Variants in RAD51B observed in about 807,000 individuals in gnomAD.
RAD51B encodes DNA repair protein RAD51 homolog 2.
RAD51B carries 38 observed loss-of-function variants against 42.2 expected under a neutral mutation model. The ratio of observed to expected loss-of-function variants is 0.90; its 90% CI spans 0.70 to 1.18. The LOEUF is 1.18. Among genes scored for constraint, RAD51B ranks in the 50% most tolerant of loss-of-function variants. The probability of loss-of-function intolerance (pLI) is 0.00; values close to 1 mark genes in which losing one functional copy is unlikely to be tolerated. For synonymous variants in RAD51B, 154 were observed against 145.2 expected (o/e 1.06, Z -0.43); for missense variants, 373 against 400.7 (o/e 0.93, Z 0.59).
intron 8 of RAD51B, among the ~76,000 whole-genome samples, chr14:68,331,085 C>T (rs1174507901): frequency 1.3e-5 from 2 of 151,930 alleles, no homozygotes; most frequent in East Asian, 1.9e-4. Context: ...AATAGCTGGC[C>T]GGGCGCGGTG....
intron 5 of RAD51B, among the ~76,000 whole-genome samples, chr14:67,868,822 G>T (rs1284209630): frequency 2.0e-5 from 3 of 152,296 alleles, no homozygotes; most frequent in Non-Finnish European, 4.4e-5. Flanking sequence ...CTCAGCAGGG[G>T]CAGACTGACA....
At chr14:68,209,824 A>G (rs1440475065) in intron 7 of RAD51B, among the ~76,000 whole-genome samples, 3 of 152,112 alleles carry the variant, frequency 2.0e-5, no homozygotes, top group Non-Finnish European at 4.4e-5. Context: ...TCCTCCTGCT[A>G]ATCTTTTTAA....
intron 10 of RAD51B, among the ~76,000 whole-genome samples, chr14:68,567,704 T>C (rs1207221612): frequency 6.6e-6 from 1 of 152,244 alleles, no homozygotes; most frequent in Non-Finnish European, 1.5e-5. Flanking sequence ...AAGTTCTACC[T>C]TCCTCACGAA....
At position 68,220,858 on chromosome 14, in the gene RAD51B, C is replaced by T. The variant is rs1247334474; in HGVS notation, c.757-71026C>T. Among the ~76,000 whole-genome samples the T allele has an allele frequency of 2.0e-5, 3 of 152,182 alleles. No homozygotes were observed. The East Asian group carries it at 5.8e-4, about 29-fold the overall frequency. On this transcript the variant is annotated intron_variant, in intron 7 of 10. Coordinates refer to ENST00000471583, the MANE Select transcript of RAD51B (RefSeq NM_133510.4). ...AATCAAGAACTCAACCCCGGCCAGG[C>T]ATGGTGGCTCACACCTGTAATCCCA...
intron 10 of RAD51B, among the ~76,000 whole-genome samples, chr14:68,487,957 G>C (rs1369215883): frequency 6.6e-6 from 1 of 152,066 alleles, no homozygotes; most frequent in Non-Finnish European, 1.5e-5. Flanking sequence ...CTCTGATCTT[G>C]CCCTTCTTAT....
chr14:68,460,548 C>T (rs951292022), intron 9 of RAD51B, among the ~76,000 whole-genome samples: 3 of 152,212 alleles, frequency 2.0e-5, no homozygotes, highest in African/African-American at 7.2e-5. Flanking sequence ...CCTTCCTAGC[C>T]ACCCATGGAG....
chr14:68,035,914 A>G (rs1158251855), intron 7 of RAD51B, among the ~76,000 whole-genome samples: 2 of 152,230 alleles, frequency 1.3e-5, no homozygotes, highest in Non-Finnish European at 2.9e-5. Flanking sequence ...TAATGATGGC[A>G]TAAGTGAATG....
chr14:68,559,759 C>T (rs372283202), intron 10 of RAD51B, among the ~76,000 whole-genome samples: 20 of 152,266 alleles, frequency 1.3e-4, no homozygotes, highest in African/African-American at 4.8e-4. Flanking sequence ...CTGCAATTTT[C>T]CCACTAAAGC....
chr14:68,601,788 T>C (rs1281437186), intron 10 of RAD51B, among the ~76,000 whole-genome samples: 1 of 152,164 alleles, frequency 6.6e-6, no homozygotes, highest in African/African-American at 2.4e-5. Context: ...TTCCTCACTC[T>C]GCATTTTCCT....
intron 4 of RAD51B, among the ~76,000 whole-genome samples, chr14:67,855,803 G>A (rs1369251613): frequency 6.6e-6 from 1 of 152,202 alleles, no homozygotes; most frequent in Non-Finnish European, 1.5e-5. Context: ...AGGTTCAGAT[G>A]TGCCCCACAA....
chr14:67,885,617 A>G (rs1309978325), intron 5 of RAD51B: 2 of 258,336 alleles, frequency 7.7e-6, no homozygotes, highest in Non-Finnish European at 1.4e-5. Context: ...GATAAATCTC[A>G]AGAGACATTG....
intron 10 of RAD51B, among the ~76,000 whole-genome samples, chr14:68,534,966 T>C (rs865882528): frequency 7.9e-5 from 12 of 152,278 alleles, no homozygotes; most frequent in African/African-American, 2.6e-4. Context: ...TTATTATTAT[T>C]ACTCTCCCCA....
At chr14:68,340,905 T>C (rs1357975938) in intron 8 of RAD51B, among the ~76,000 whole-genome samples, 1 of 152,238 alleles carries the variant, frequency 6.6e-6, no homozygotes, top group Admixed American at 6.5e-5. Context: ...TCTAGATGTT[T>C]TCACTTGTCC....
chr14:68,020,142 C>T (rs576895796), intron 7 of RAD51B, among the ~76,000 whole-genome samples: 5 of 152,166 alleles, frequency 3.3e-5, no homozygotes, highest in African/African-American at 1.2e-4. Flanking sequence ...CGGGGTCTCA[C>T]TATCTCACCT....
intron 7 of RAD51B, among the ~76,000 whole-genome samples, chr14:67,920,787 T>G (rs1237912849): frequency 2.6e-5 from 4 of 152,014 alleles, no homozygotes; most frequent in Non-Finnish European, 4.4e-5. Context: ...TAATGCTTAG[T>G]CCCCAGGAAA....
At chr14:67,877,245 A>T (rs1595048947) in intron 5 of RAD51B, among the ~76,000 whole-genome samples, 1 of 152,122 alleles carries the variant, frequency 6.6e-6, no homozygotes, top group African/African-American at 2.4e-5. Context: ...ATCTCAGTTG[A>T]TGCATACAGC....
rs572363099 is a variant in RAD51B, at chr14:68,627,749, C to T, written c.1037-23032C>T. On this transcript the variant is annotated intron_variant, in intron 10 of 11. Transcript: ENST00000488612. ...AACTCACTCCTAGTCTACCCTACTTCAGAAACCTTATCTCCTTCCCCAACA... is the reference window on the plus strand; with the variant it reads ...AACTCACTCCTAGTCTACCCTACTTTAGAAACCTTATCTCCTTCCCCAACA... Among the ~76,000 whole-genome samples, 39 of 152,320 alleles carry T rather than the reference C, an allele frequency of 2.6e-4. No individual in the cohort carries two copies. The South Asian group carries it at 7.5e-3, about 29-fold the overall frequency.
intron 10 of RAD51B, among the ~76,000 whole-genome samples, chr14:68,527,651 C>T (rs1887020409): frequency 6.6e-6 from 1 of 152,246 alleles, no homozygotes; most frequent in African/African-American, 2.4e-5. Context: ...TTCCTTGTGC[C>T]TGTTGGTCTT....
chr14:68,212,047 G>A (rs1277621573), intron 7 of RAD51B, among the ~76,000 whole-genome samples: 1 of 152,152 alleles, frequency 6.6e-6, no homozygotes, highest in African/African-American at 2.4e-5. Flanking sequence ...TGGCATTCTC[G>A]TTTGCTCCAC....
Sources: gnomAD v4.1 joint callset for allele counts (sites outside exome capture counted in the v4.1 genomes callset) on GRCh38, gnomAD v4.1.1 for gene constraint, MANE v1.5 for transcripts, NCBI Gene and HGNC (gene_info 2026-07-23, HGNC 2026-07-21) for gene names.